The following CTIF variants were observed in gnomAD, a reference collection of about 807,000 sequenced individuals.
The protein encoded by CTIF is CBP80/20-dependent translation initiation factor.
Under a neutral mutation model 66.0 loss-of-function variants are expected in CTIF, and 21 were observed. That is an observed-to-expected ratio of 0.32 (90% CI 0.23 to 0.46). The LOEUF is 0.46. CTIF is among the 20% of genes least tolerant of loss of function. The probability of loss-of-function intolerance (pLI) is 1.00; values close to 1 mark genes in which losing one functional copy is unlikely to be tolerated. For missense variants in CTIF, 739 were observed against 812.7 expected (o/e 0.91, Z 1.10); for synonymous variants, 345 against 326.4 (o/e 1.06, Z -0.62).
intron 7 of CTIF, among the ~76,000 whole-genome samples, chr18:48,724,401 T>C (rs968413878): frequency 2.6e-5 from 4 of 152,178 alleles, no homozygotes; most frequent in Non-Finnish European, 5.9e-5. Context: ...CTTCACTCGC[T>C]GTGCTCTCCA....
At chr18:48,711,235 T>C (rs903135427) in intron 6 of CTIF, among the ~76,000 whole-genome samples, 1 of 152,208 alleles carries the variant, frequency 6.6e-6, no homozygotes, top group Non-Finnish European at 1.5e-5. Context: ...AGAAGTAACT[T>C]GTCCTGGGAT....
intron 5 of CTIF, among the ~76,000 whole-genome samples, chr18:48,668,310 C>T (rs2091468743): frequency 1.3e-5 from 2 of 152,210 alleles, no homozygotes; most frequent in African/African-American, 2.4e-5. Flanking sequence ...GAGGTGGTAT[C>T]AGCCATTCTA....
chr18:48,578,691 G>C (rs147100788), intron 1 of CTIF, among the ~76,000 whole-genome samples: 6 of 152,126 alleles, frequency 3.9e-5, no homozygotes, highest in Non-Finnish European at 4.4e-5. Context: ...TTTTAGTTTG[G>C]TTATTTGTCT....
chr18:48,630,994 A>T (rs2090701689), intron 2 of CTIF, among the ~76,000 whole-genome samples: 1 of 152,054 alleles, frequency 6.6e-6, no homozygotes, highest in Admixed American at 6.5e-5. Context: ...TAGCTTTATG[A>T]GATACTTTGA....
At chr18:48,615,333 C>T (rs2090378604) in intron 1 of CTIF, among the ~76,000 whole-genome samples, 1 of 152,240 alleles carries the variant, frequency 6.6e-6, no homozygotes. Flanking sequence ...TCTGCTCCTT[C>T]TTCTCTTGTG....
At chr18:48,652,841 T>C (rs2091180885) in intron 3 of CTIF, among the ~76,000 whole-genome samples, 1 of 152,150 alleles carries the variant, frequency 6.6e-6, no homozygotes, top group South Asian at 2.1e-4. Flanking sequence ...AATCAATAAA[T>C]GTAATCCATC....
chr18:48,807,547 A>G (rs2068172929), intron 9 of CTIF, among the ~76,000 whole-genome samples: 1 of 100,366 alleles, frequency 1.0e-5, no homozygotes, highest in African/African-American at 4.2e-5. Flanking sequence ...TCCCCATGCT[A>G]TTGTAAACGT....
intron 3 of CTIF, among the ~76,000 whole-genome samples, chr18:48,644,294 C>T (rs1348558288): frequency 6.6e-6 from 1 of 152,204 alleles, no homozygotes; most frequent in African/African-American, 2.4e-5. Context: ...TGGTGAGGAA[C>T]ATAGCCATGG....
chr18:48,704,107 C>T (rs1014787748), intron 6 of CTIF, among the ~76,000 whole-genome samples: 1 of 152,118 alleles, frequency 6.6e-6, no homozygotes, highest in African/African-American at 2.4e-5. Flanking sequence ...TGGCGGAGCA[C>T]CACGGGGTCT....
chr18:48,822,724 G>A (rs1029053335), intron 10 of CTIF, among the ~76,000 whole-genome samples: 3 of 152,122 alleles, frequency 2.0e-5, no homozygotes, highest in Admixed American at 6.5e-5. Context: ...TTAAGTTTTT[G>A]AGGACCCTCC....
chr18:48,555,120 G>C (rs191020193), intron 1 of CTIF, among the ~76,000 whole-genome samples: 196 of 152,326 alleles, frequency 1.3e-3, no homozygotes, highest in Admixed American at 2.4e-3. Flanking sequence ...TGGGGACACG[G>C]AATGGAATAC....
chr18:48,776,916 C>T (rs1198397267), intron 9 of CTIF, among the ~76,000 whole-genome samples: 1 of 152,182 alleles, frequency 6.6e-6, no homozygotes, highest in Non-Finnish European at 1.5e-5. Context: ...CCTGCCTTTC[C>T]CTGGCTGGGC....
chr18:48,613,007 C>T (rs772825090), intron 1 of CTIF, among the ~76,000 whole-genome samples: 36 of 152,216 alleles, frequency 2.4e-4, no homozygotes, highest in Admixed American at 1.5e-3. Flanking sequence ...TGCCTCTGTG[C>T]GGGCCTCGAA....
intron 1 of CTIF, among the ~76,000 whole-genome samples, chr18:48,614,867 G>C (rs1375629910): frequency 6.6e-6 from 1 of 152,008 alleles, no homozygotes; most frequent in Non-Finnish European, 1.5e-5. Flanking sequence ...TGGTTTGGTT[G>C]GTTGGTTGTT....
At chr18:48,724,454 T>G (rs2145596397) in intron 7 of CTIF, among the ~76,000 whole-genome samples, 1 of 152,288 alleles carries the variant, frequency 6.6e-6, no homozygotes, top group Non-Finnish European at 1.5e-5. Context: ...CCTGTCTCTG[T>G]CCTGCTCCCA....
intron 1 of CTIF, among the ~76,000 whole-genome samples, chr18:48,616,723 C>T (rs1336841785): frequency 6.6e-6 from 1 of 152,182 alleles, no homozygotes; most frequent in Admixed American, 6.5e-5. Flanking sequence ...CTACTATTAG[C>T]AGAAATTGCA....
intron 7 of CTIF, among the ~76,000 whole-genome samples, chr18:48,741,288 T>TC (rs1289023906): frequency 6.4e-5 from 6 of 93,800 alleles, no homozygotes; most frequent in African/African-American, 2.3e-4. Context: ...CCGCCCCCCC[T>TC]CCTTGGTACA....
chr18:48,567,728 A>T (rs2089309876), intron 1 of CTIF: 1 of 152,136 alleles, frequency 6.6e-6, no homozygotes, highest in Non-Finnish European at 1.5e-5. Context: ...TGCTCATGGG[A>T]CAGAGTGACT....
intron 7 of CTIF, among the ~76,000 whole-genome samples, chr18:48,749,035 C>T (rs1045270888): frequency 2.0e-5 from 3 of 152,224 alleles, no homozygotes; most frequent in Non-Finnish European, 4.4e-5. Context: ...CATGATTGGT[C>T]GCACCTGGGA....
Sources: allele counts gnomAD v4.1 joint callset (sites outside exome capture counted in the v4.1 genomes callset), GRCh38; gene constraint gnomAD v4.1.1; transcripts MANE v1.5; gene names NCBI Gene and HGNC (gene_info 2026-07-23, HGNC 2026-07-21).